CPSF6: variants seen among roughly 807,000 people sequenced by gnomAD.
CPSF6 encodes the protein cleavage and polyadenylation specificity factor subunit 6.
Under a neutral mutation model 56.7 loss-of-function variants are expected in CPSF6, and 10 were observed. The observed-to-expected ratio is 0.18, with a 90% confidence interval of 0.11 to 0.30. The LOEUF (loss-of-function observed/expected upper bound fraction) is 0.30. Ranked by LOEUF, CPSF6 falls within the 10% of genes least tolerant of loss-of-function variation. CPSF6 has a pLI of 1.00. For synonymous variants in CPSF6, 248 were observed against 244.8 expected, an observed-to-expected ratio of 1.01 and a Z score of -0.12; for missense variants, 419 against 722.9, an observed-to-expected ratio of 0.58 and a Z score of 4.82.
At position 69,251,114 on chromosome 12, in the gene CPSF6, A is replaced by AT. The variant is rs765934620; in HGVS notation, c.61-12dup. ...TGACTTTTGTATAATCTAGAGCATTATTTCTGTATCTCAGGAAGCTGAATA... is the reference window on the plus strand; with the variant it reads ...TGACTTTTGTATAATCTAGAGCATTATTTTCTGTATCTCAGGAAGCTGAATA... On this transcript the variant is annotated splice_polypyrimidine_tract_variant and intron_variant, in intron 1 of 9. Transcript: ENST00000435070. 6 of 1,603,240 alleles carry AT rather than the reference A, an allele frequency of 3.7e-6. No individual in the cohort carries two copies. The highest frequency in any genetic ancestry group is 5.1e-6 in the Non-Finnish European group (6 of 1,172,190).
intron 9 of CPSF6, among the ~76,000 whole-genome samples, chr12:69,266,492 T>C (rs1347812720): frequency 6.6e-6 from 1 of 152,242 alleles, no homozygotes; most frequent in Non-Finnish European, 1.5e-5. Context: ...AATGCCAGTG[T>C]GAGTCATCTT....
intron 9 of CPSF6, among the ~76,000 whole-genome samples, chr12:69,268,928 C>T (rs1470492054): frequency 4.0e-5 from 6 of 151,770 alleles, no homozygotes; most frequent in South Asian, 4.1e-4. Flanking sequence ...AAGATTTGTA[C>T]GTGGATGTCA....
chr12:69,252,529 G>T (rs1872300887), intron 2 of CPSF6, among the ~76,000 whole-genome samples: 1 of 152,092 alleles, frequency 6.6e-6, no homozygotes, highest in Non-Finnish European at 1.5e-5. Context: ...TTGTGACCTT[G>T]TTAAAGAGTT....
intron 9 of CPSF6, among the ~76,000 whole-genome samples, chr12:69,269,189 C>T (rs1428978658): frequency 6.6e-6 from 1 of 151,744 alleles, no homozygotes; most frequent in Non-Finnish European, 1.5e-5. Context: ...TTGTAGTATG[C>T]ATATTTTAGA....
rs1873390076 is a variant in CPSF6, at chr12:69,274,108, A to ATTTTTTTTT, written c.*4600_*4601insTTTTTTTTT. 2.2e-5 allele frequency: 1 copy of ATTTTTTTTT among 45,582 alleles called. No individual in the cohort carries two copies. Among genetic ancestry groups the ATTTTTTTTT allele is most frequent in the African/African-American group, 1.1e-4 (1 of 8,860 alleles). The allele number at this position is 45,582 out of a possible 1,614,324, so 2.8% of individuals were successfully genotyped here. A position where few individuals can be genotyped will look rare whatever the true frequency, so the allele number is the denominator to read the frequency against. ...GGTAAGGTGATAATTGATCTAATAGACTTTTTTTTTTTTTTTTTTGCTGTC... is the reference window on the plus strand; with the variant it reads ...GGTAAGGTGATAATTGATCTAATAGATTTTTTTTTCTTTTTTTTTTTTTTTTTTGCTGTC... On this transcript the variant is annotated 3_prime_UTR_variant, in exon 10 of 10. Transcript: ENST00000435070.
At chr12:69,249,315 A>C (rs1170392050) in intron 1 of CPSF6, among the ~76,000 whole-genome samples, 2 of 152,012 alleles carry the variant, frequency 1.3e-5, no homozygotes, top group Non-Finnish European at 2.9e-5. Context: ...AATACAAAAT[A>C]AATAAAAGAT....
chr12:69,240,327 C>T (rs1480772944), intron 1 of CPSF6, among the ~76,000 whole-genome samples: 1 of 152,224 alleles, frequency 6.6e-6, no homozygotes, highest in Non-Finnish European at 1.5e-5. Flanking sequence ...CTTCCTCCTC[C>T]CCTCACACTT....
intron 1 of CPSF6, among the ~76,000 whole-genome samples, chr12:69,241,815 G>T (rs1871636587): frequency 6.6e-6 from 1 of 151,796 alleles, no homozygotes; most frequent in Non-Finnish European, 1.5e-5. Context: ...TAATGGCGAG[G>T]ATAAATAGAG....
intron 3 of CPSF6, among the ~76,000 whole-genome samples, 171 bp from the exon 4 acceptor site, chr12:69,256,526 T>C (rs1872517276): frequency 6.6e-6 from 1 of 152,208 alleles, no homozygotes; most frequent in Non-Finnish European, 1.5e-5. Context: ...ACTCCTGGGC[T>C]CAAGCAATCC....
chr12:69,249,497 A>G (rs1173737894), intron 1 of CPSF6, among the ~76,000 whole-genome samples: 5 of 152,122 alleles, frequency 3.3e-5, no homozygotes, highest in Non-Finnish European at 5.9e-5. Context: ...TGCCATTTGT[A>G]TAATTCTTTA....
intron 9 of CPSF6, among the ~76,000 whole-genome samples, chr12:69,264,073 G>T (rs1001309276): frequency 1.3e-5 from 2 of 152,008 alleles, no homozygotes; most frequent in African/African-American, 4.8e-5. Flanking sequence ...TTTTAAAGAT[G>T]TAGCACTTTT....
intron 1 of CPSF6, among the ~76,000 whole-genome samples, chr12:69,249,622 C>T (rs149063944): frequency 6.6e-6 from 1 of 152,228 alleles, no homozygotes; most frequent in Admixed American, 6.5e-5. Flanking sequence ...ATGGTTCACA[C>T]CAATACAAGT....
At chr12:69,245,209 C>T (rs1871834341) in intron 1 of CPSF6, among the ~76,000 whole-genome samples, 1 of 150,342 alleles carries the variant, frequency 6.7e-6, no homozygotes, top group South Asian at 2.2e-4. Context: ...ATTGTATGTG[C>T]TATTCTTTTA....
At chr12:69,251,089 T>C (rs772594157) in intron 1 of CPSF6, 40 bp from the exon 2 acceptor site, 4 of 1,559,556 alleles carry the variant, frequency 2.6e-6, no homozygotes, top group Non-Finnish European at 3.5e-6. Flanking sequence ...AGTAGTATTT[T>C]GACTTTTGTA....
chr12:69,260,304 T>G (rs942297642), intron 8 of CPSF6, 107 bp downstream of exon 8: 3 of 858,996 alleles, frequency 3.5e-6, no homozygotes, highest in Admixed American at 3.5e-5. Flanking sequence ...TACTGATTAT[T>G]TAGCAGCTGG....
At chr12:69,268,150 T>C (rs1873081733) in intron 9 of CPSF6, among the ~76,000 whole-genome samples, 1 of 151,800 alleles carries the variant, frequency 6.6e-6, no homozygotes, top group African/African-American at 2.4e-5. Flanking sequence ...TTTAATAGTG[T>C]AGTGCAGATA....
chr12:69,242,190 C>G (rs1452166729), intron 1 of CPSF6, among the ~76,000 whole-genome samples: 1 of 136,512 alleles, frequency 7.3e-6, no homozygotes, highest in African/African-American at 2.8e-5. Context: ...GGCTTCAAAG[C>G]TGTTGTAAAC....
chr12:69,239,705 A>C lies in CPSF6; in HGVS notation c.59A>C (p.Gln20Pro). 6.3e-7 allele frequency: 1 copy of C among 1,583,142 alleles called. No homozygotes were observed. The highest frequency in any genetic ancestry group is 1.4e-5 in the African/African-American group (1 of 71,474). Residue 20 changes from glutamine (Q) to proline (P), a missense_variant and splice_region_variant, in exon 1 of 10, where the codon CAG (glutamine) becomes CCG (proline). Gln to Pro is a moderately conservative substitution (Grantham distance 76, BLOSUM62 -1). This residue lies in a region of CPSF6 where 125 missense variants were observed against 216.4 expected (regional missense o/e 0.58). Coordinates refer to ENST00000435070, the MANE Select transcript of CPSF6 (RefSeq NM_007007.3). ...IYADVGEEFN[Q>P]EAEYGGHDQI... is the part of the protein sequence containing the mutation. ...GCGGATGTCGGCGAAGAGTTCAACC[A>C]GGTACGTGAGAGCCCAGGTCCCCGC...
intron 1 of CPSF6, among the ~76,000 whole-genome samples, chr12:69,240,360 G>T (rs1265913502): frequency 6.6e-6 from 1 of 152,220 alleles, no homozygotes; most frequent in Non-Finnish European, 1.5e-5. Context: ...TGAGGTGCGG[G>T]CTCATTTGCA....
Sources: allele counts gnomAD v4.1 joint callset (sites outside exome capture counted in the v4.1 genomes callset), GRCh38; gene constraint gnomAD v4.1.1; regional missense constraint gnomAD v4.1.1; transcripts MANE v1.5; gene names NCBI Gene and HGNC (gene_info 2026-07-23, HGNC 2026-07-21).